GRIK3: variants seen among roughly 807,000 people sequenced by gnomAD.
GRIK3 encodes the protein glutamate receptor ionotropic, kainate 3.
Under a neutral mutation model 102.5 loss-of-function variants are expected in GRIK3, and 29 were observed. That is an observed-to-expected ratio of 0.28 (90% CI 0.21 to 0.39). GRIK3 has a LOEUF of 0.39. Ranked by LOEUF, GRIK3 falls within the 10% of genes least tolerant of loss-of-function variation. GRIK3 has a pLI of 1.00. For missense variants in GRIK3, 908 were observed against 1,252.4 expected, an observed-to-expected ratio of 0.73 and a Z score of 4.15; for synonymous variants, 511 against 504.9, an observed-to-expected ratio of 1.01 and a Z score of -0.16.
At chr1:36,870,389 T>C (rs1640830252) in intron 4 of GRIK3, among the ~76,000 whole-genome samples, 1 of 152,242 alleles carries the variant, frequency 6.6e-6, no homozygotes, top group African/African-American at 2.4e-5. Flanking sequence ...CATCATGAAG[T>C]CTGCACTATC....
chr1:36,828,297 C>T (rs1380472775), intron 10 of GRIK3, among the ~76,000 whole-genome samples: 2 of 152,144 alleles, frequency 1.3e-5, no homozygotes, highest in Non-Finnish European at 2.9e-5. Flanking sequence ...GTCTTTGATT[C>T]CAGAACTTGG....
chr1:36,962,883 CAAA>C (rs57315084), intron 1 of GRIK3, among the ~76,000 whole-genome samples: 1,697 of 74,074 alleles, frequency 0.023, 26 homozygotes, highest in East Asian at 0.088. Context: ...GACTCCCTCT[CAAA>C]AAAAAAAAAA....
chr1:37,031,556 G>A (rs1001797134), intron 1 of GRIK3, among the ~76,000 whole-genome samples: 3 of 152,222 alleles, frequency 2.0e-5, no homozygotes, highest in African/African-American at 7.2e-5. Context: ...AGCCCTCTCC[G>A]GGCTGGTGCT....
chr1:36,859,863 A>T lies in GRIK3; in HGVS notation c.941T>A (p.Leu314Gln), dbSNP rs1640699682. ...CCTTACCATCATCACTCCATCCAGCAGGCCAGACTCGGACCGGGGAGCTGC... is the reference window on the plus strand; with the variant it reads ...CCTTACCATCATCACTCCATCCAGCTGGCCAGACTCGGACCGGGGAGCTGC... ...LQAAPRSESG[L>Q]LDGVMMTDAA... Residue 314 changes from leucine (L) to glutamine (Q), a missense_variant, in exon 6 of 16, where the codon CTG (leucine) becomes CAG (glutamine). Coordinates refer to ENST00000373091, the MANE Select transcript of GRIK3 (RefSeq NM_000831.4). The T allele has an allele frequency of 1.9e-6, 3 of 1,613,908 alleles. No homozygotes were observed. Among genetic ancestry groups the T allele is most frequent in the Non-Finnish European group, 2.5e-6 (3 of 1,179,830 alleles).
chr1:36,808,744 A>G (rs1642527665), intron 13 of GRIK3, among the ~76,000 whole-genome samples: 1 of 152,228 alleles, frequency 6.6e-6, no homozygotes, highest in Non-Finnish European at 1.5e-5. Context: ...AAGCTGTGAG[A>G]TAGCAAATAT....
intron 7 of GRIK3, among the ~76,000 whole-genome samples, chr1:36,858,194 T>C (rs991042313): frequency 1.3e-5 from 2 of 152,228 alleles, no homozygotes; most frequent in Non-Finnish European, 2.9e-5. Flanking sequence ...TATCATCTGC[T>C]GGGATTTGAC....
In GRIK3 at chr1:36,963,444, C is replaced by T. The variant is rs370360888; in HGVS notation, c.115+70550G>A. Among the ~76,000 whole-genome samples the T allele has an allele frequency of 7.2e-5, 11 of 152,148 alleles. No individual in the cohort carries two copies. In the East Asian group the frequency reaches 1.3e-3, roughly 19 times the overall value. On this transcript the variant is annotated intron_variant, in intron 1 of 15. Transcript: ENST00000373091. ...GGCTTGGGAGTTGCATTAATAACTA[C>T]GATGGAGAGGAACGCCTTCTGTGTG...
In GRIK3 at chr1:36,872,263, C is replaced by T; in HGVS notation, c.657G>A (p.Lys219=). 1 of 1,613,242 alleles carries T rather than the reference C, an allele frequency of 6.2e-7. No homozygotes were observed. Among genetic ancestry groups the T allele is most frequent in the Non-Finnish European group, 8.5e-7 (1 of 1,179,612 alleles). The change falls in exon 4 of 16, where the codon AAG becomes AAA. Residue 219 remains lysine, a synonymous_variant. Transcript: ENST00000373091. The surrounding 1 kb of genome is among the most constrained non-coding windows in gnomAD (Gnocchi z 5.9). The stretch of plus-strand genomic sequence containing the variant: ...GGAATTCCCGGCCTCGCTTCATCTC[C>T]TTGAGCAAGGGGCGCGAGTCGTCAG... ...IDSDDSRPLL[K]EMKRGREFRI... is the part of the protein sequence containing the mutation.
At chr1:36,969,838 G>A (rs1642122406) in intron 1 of GRIK3, among the ~76,000 whole-genome samples, 1 of 152,206 alleles carries the variant, frequency 6.6e-6, no homozygotes, top group South Asian at 2.1e-4. Context: ...AGCTTTCCAT[G>A]AAACCCCATG....
In GRIK3 at chr1:36,986,391, C is replaced by T. The variant is rs148433159; in HGVS notation, c.115+47603G>A. Among the ~76,000 whole-genome samples the T allele has an allele frequency of 2.8e-3, 425 of 151,644 alleles. 2 individuals carry two copies. Among genetic ancestry groups the T allele is most frequent in the Admixed American group, 4.2e-3 (64 of 15,220 alleles). On this transcript the variant is annotated intron_variant, in intron 1 of 15. Coordinates refer to ENST00000373091, the MANE Select transcript of GRIK3 (RefSeq NM_000831.4). ...TCAGTCCGCCCATCCATCCATCCAT[C>T]CATCCATCCTGTCCCCATCTCTCTG...
In GRIK3 at chr1:36,880,942, T is replaced by C. The variant is rs1557712212; in HGVS notation, c.293-51A>G. 1 of 1,538,022 alleles carries C rather than the reference T, an allele frequency of 6.5e-7. No homozygotes were observed. The highest frequency in any genetic ancestry group is 8.8e-7 in the Non-Finnish European group (1 of 1,137,948). ...GGGGTCAGCACTGGGGCTGTGGGTATGGGGACAGTGATGCTGATGATCCTG... is the reference window on the plus strand; with the variant it reads ...GGGGTCAGCACTGGGGCTGTGGGTACGGGGACAGTGATGCTGATGATCCTG... On this transcript the variant is annotated intron_variant, in intron 2 of 15. Transcript: ENST00000373091. This position sits in a 1 kb window ranked among gnomAD's most constrained non-coding sequence, Gnocchi z 5.4.
chr1:36,822,050 G>A (rs998203152), intron 11 of GRIK3, among the ~76,000 whole-genome samples: 17 of 152,172 alleles, frequency 1.1e-4, no homozygotes, highest in Admixed American at 1.3e-4. Context: ...TGACCACTCC[G>A]CAGGTGTTTC....
intron 2 of GRIK3, among the ~76,000 whole-genome samples, chr1:36,888,722 T>C (rs1200964766): frequency 3.9e-5 from 6 of 152,112 alleles, no homozygotes; most frequent in African/African-American, 1.4e-4. Flanking sequence ...CAACTTGCAT[T>C]TTCCACTCCA....
chr1:36,836,604 G>A (rs1640382157), intron 10 of GRIK3, among the ~76,000 whole-genome samples: 1 of 152,220 alleles, frequency 6.6e-6, no homozygotes, highest in African/African-American at 2.4e-5. Flanking sequence ...TATACAATAT[G>A]CTAAGGCTAC....
intron 6 of GRIK3, among the ~76,000 whole-genome samples, chr1:36,859,457 AC>A (rs1168611611): frequency 1.3e-5 from 2 of 151,512 alleles, no homozygotes; most frequent in African/African-American, 4.9e-5. Flanking sequence ...CATCCTGAGC[AC>A]CCCCCTCTGC....
chr1:36,859,830 CCCAGCCG>C lies in GRIK3; in HGVS notation c.960+7_960+13del, dbSNP rs1379874214. ...TGGGAAGCCCCTGGAATTCACCTCA[CCCAGCCG>C]CCTTACCATCATCACTCCATCCAGC... On this transcript the variant is annotated splice_region_variant and intron_variant, in intron 6 of 15. Coordinates refer to ENST00000373091, the MANE Select transcript of GRIK3 (RefSeq NM_000831.4). The C allele has an allele frequency of 6.2e-7, 1 of 1,609,154 alleles. No homozygotes were observed. The highest frequency in any genetic ancestry group is 8.5e-7 in the Non-Finnish European group (1 of 1,175,966).
intron 1 of GRIK3, among the ~76,000 whole-genome samples, chr1:36,976,774 C>T (rs1401031688): frequency 1.3e-5 from 2 of 152,132 alleles, no homozygotes; most frequent in Non-Finnish European, 2.9e-5. Flanking sequence ...AGCACAGTCC[C>T]AAAGCACCAG....
chr1:36,985,522 C>T (rs1415338612), intron 1 of GRIK3, among the ~76,000 whole-genome samples: 1 of 152,152 alleles, frequency 6.6e-6, no homozygotes, highest in African/African-American at 2.4e-5. Context: ...TTTATGCCCA[C>T]CTGCATACCT....
intron 13 of GRIK3, among the ~76,000 whole-genome samples, chr1:36,808,879 C>T (rs2124180637): frequency 6.6e-6 from 1 of 152,326 alleles, no homozygotes. Flanking sequence ...AGATAATCAT[C>T]AATTCCAACT....
Sources: allele counts gnomAD v4.1 joint callset (sites outside exome capture counted in the v4.1 genomes callset), GRCh38; gene constraint gnomAD v4.1.1; non-coding constraint Gnocchi (gnomAD v3.1); transcripts MANE v1.5; gene names NCBI Gene and HGNC (gene_info 2026-07-23, HGNC 2026-07-21).